Variants in PRRC2B observed in about 807,000 individuals in gnomAD.
The protein encoded by PRRC2B is proline rich coiled-coil 2B, also known as protein PRRC2B.
PRRC2B carries 68 observed loss-of-function variants against 242.3 expected under a neutral mutation model. That is an observed-to-expected ratio of 0.28 (90% CI 0.23 to 0.34). PRRC2B has a LOEUF of 0.34. Ranked by LOEUF, PRRC2B falls within the 10% of genes least tolerant of loss-of-function variation. The probability of loss-of-function intolerance (pLI) is 1.00; values close to 1 mark genes in which losing one functional copy is unlikely to be tolerated. For synonymous variants in PRRC2B, 1,228 were observed against 1,173.6 expected (o/e 1.05, Z -0.95); for missense variants, 2,835 against 2,954.8 (o/e 0.96, Z 0.94).
At position 131,432,623 on chromosome 9, in the gene PRRC2B, C is replaced by T. The variant is rs1388840201; in HGVS notation, c.122C>T (p.Pro41Leu). The T allele has an allele frequency of 6.2e-7, 1 of 1,613,764 alleles. No homozygotes were observed. The highest frequency in any genetic ancestry group is 1.1e-5 in the South Asian group (1 of 91,064). ...CATGTCCCTCTCCCTGCAGTTATTC[C>T]TAGACATGGCTTACAGAGTCTTGGG... ...SVDAIRSSVIPRHGLQSLGKV... is the reference protein window; with the variant it reads ...SVDAIRSSVILRHGLQSLGKV... The change falls in exon 3 of 32, where the codon CCT becomes CTT. Residue 41 changes from proline to leucine, a missense_variant. Pro to Leu is a moderately conservative substitution (Grantham distance 98). This residue lies in a region of PRRC2B where 626 missense variants were observed against 685.5 expected (regional missense o/e 0.91). Transcript: ENST00000683519.
intron 28 of PRRC2B, chr9:131,490,392 C>CTATA (rs1944154318): frequency 9.8e-6 from 5 of 512,760 alleles, no homozygotes; most frequent in South Asian, 7.1e-5. Context: ...AGTCAGCACT[C>CTATA]TATAAATGGC....
At chr9:131,396,331 T>C (rs535275403) in intron 1 of PRRC2B, among the ~76,000 whole-genome samples, 202 of 136,690 alleles carry the variant, frequency 1.5e-3, no homozygotes, top group South Asian at 7.2e-3. Flanking sequence ...TTTTCTTTTT[T>C]TTTTTTTTTT....
At chr9:131,478,210 G>A (rs1943758936) in intron 17 of PRRC2B, among the ~76,000 whole-genome samples, 1 of 80,800 alleles carries the variant, frequency 1.2e-5, no homozygotes, top group Non-Finnish European at 2.4e-5. Context: ...GCCCAGAGAC[G>A]TTCGGTGGTG....
rs1943897386 is a variant in PRRC2B at position 131,482,497 on chromosome 9, C to T, written c.5110C>T (p.Pro1704Ser). The T allele has an allele frequency of 6.2e-7, 1 of 1,611,604 alleles. No individual in the cohort carries two copies. Among genetic ancestry groups the T allele is most frequent in the South Asian group, 1.1e-5 (1 of 91,030 alleles). ...TCTGAAGCCAGAGGAGATGAGCGGG[C>T]CCGGCCTGGCGGAACCCAAGGCCGA... The part of the protein sequence containing the change: ...GTLKPEEMSG[P>S]GLAEPKADSH... The change falls in exon 21 of 32, where the codon CCC becomes TCC. Residue 1704 changes from proline (P) to serine (S), a missense_variant. Physicochemically the swap from Pro to Ser is moderately conservative, Grantham distance 74 (BLOSUM62 -1). Transcript: ENST00000683519. The surrounding 1 kb of genome is among the most constrained non-coding windows in gnomAD (Gnocchi z 5.2).
At chr9:131,472,112 A>C (rs532412766) in intron 14 of PRRC2B, among the ~76,000 whole-genome samples, 1 of 152,314 alleles carries the variant, frequency 6.6e-6, no homozygotes, top group African/African-American at 2.4e-5. Context: ...CTTTGATAGC[A>C]ATATAATAAT....
rs1943282442 is a variant in PRRC2B, at chr9:131,462,849, A to AAAAAG, written c.1405-1910_1405-1909insGAAAA. Among the ~76,000 whole-genome samples the AAAAAG allele has an allele frequency of 7.9e-5, 12 of 151,588 alleles. No homozygotes were observed. In the South Asian group the frequency reaches 2.1e-3, roughly 26 times the overall value. On this transcript the variant is annotated intron_variant, in intron 11 of 31. Coordinates refer to ENST00000683519, the MANE Select transcript of PRRC2B (RefSeq NM_013318.4). ...TGAGACTCCGTCTAAAAAAAAAAAA[A>AAAAAG]AAAAAAAGGTCTCAGTGCAAATTAC...
At chr9:131,478,302 CTT>C (rs1943761653) in intron 17 of PRRC2B, among the ~76,000 whole-genome samples, 170 bp from the exon 18 acceptor site, 1 of 152,112 alleles carries the variant, frequency 6.6e-6, no homozygotes, top group African/African-American at 2.4e-5. Flanking sequence ...CCTTGGGCCT[CTT>C]TGGTTTGGGG....
At chr9:131,384,014 G>A (rs1465311966) in intron 1 of PRRC2B, among the ~76,000 whole-genome samples, 1 of 151,644 alleles carries the variant, frequency 6.6e-6, no homozygotes, top group Non-Finnish European at 1.5e-5. Flanking sequence ...TGCCTCCTGG[G>A]TTCAGCTGAT....
rs530957578 is a variant in PRRC2B at position 131,406,417 on chromosome 9, A to G, written c.-52+12154A>G. ...TGTGTTCTTGGGGAGTTTCAGGTAA[A>G]TGTCTTGGAAGGAATGAAGGTAGGC... On this transcript the variant is annotated intron_variant, in intron 1 of 31. Transcript: ENST00000683519. Among the ~76,000 whole-genome samples the G allele has an allele frequency of 1.4e-4, 21 of 152,118 alleles. No homozygotes were observed. In the East Asian group the frequency reaches 4.1e-3, roughly 29 times the overall value.
At chr9:131,404,601 A>AC (rs1554757490) in intron 1 of PRRC2B, among the ~76,000 whole-genome samples, 1 of 150,920 alleles carries the variant, frequency 6.6e-6, no homozygotes, top group Non-Finnish European at 1.5e-5. Context: ...TGAAAAAAAA[A>AC]CCAGTGTGAG....
At chr9:131,457,678 C>A (rs1037633643) in intron 10 of PRRC2B, among the ~76,000 whole-genome samples, 1 of 152,030 alleles carries the variant, frequency 6.6e-6, no homozygotes, top group African/African-American at 2.4e-5. Flanking sequence ...TCCATGGGTC[C>A]ACCAGTTCAT....
At chr9:131,416,357 C>T (rs933773983) in intron 1 of PRRC2B, among the ~76,000 whole-genome samples, 9 of 152,130 alleles carry the variant, frequency 5.9e-5, no homozygotes, top group Admixed American at 1.3e-4. Context: ...TCTGCCGCCT[C>T]GGCCTCCCAA....
At chr9:131,444,955 G>A (rs1433623645) in intron 6 of PRRC2B, among the ~76,000 whole-genome samples, 2 of 152,172 alleles carry the variant, frequency 1.3e-5, no homozygotes, top group African/African-American at 4.8e-5. Context: ...TCTACTCAGG[G>A]ATTTTGAAGT....
chr9:131,401,764 G>T (rs1837232855), intron 1 of PRRC2B, among the ~76,000 whole-genome samples: 1 of 150,880 alleles, frequency 6.6e-6, no homozygotes, highest in Non-Finnish European at 1.5e-5. Flanking sequence ...GGGTTTAAGA[G>T]ATTCTCCTGC....
intron 28 of PRRC2B, among the ~76,000 whole-genome samples, chr9:131,490,224 C>T (rs1944149286): frequency 6.7e-6 from 1 of 150,172 alleles, no homozygotes; most frequent in Non-Finnish European, 1.5e-5. Context: ...CTCCCTGCTC[C>T]CCCTCACCTC....
intron 1 of PRRC2B, among the ~76,000 whole-genome samples, chr9:131,406,258 C>A (rs1837358414): frequency 6.6e-6 from 1 of 152,176 alleles, no homozygotes; most frequent in African/African-American, 2.4e-5. Context: ...CCTTAACTAG[C>A]AAGGGCCTCC....
At position 131,495,907 on chromosome 9, in the gene PRRC2B, T is replaced by A. The variant is rs1299580656; in HGVS notation, c.*33T>A. On this transcript the variant is annotated 3_prime_UTR_variant, in exon 32 of 32. Transcript: ENST00000683519. ...TGGCTGCCACCTCGCCTCTCCCTACTGAGGACGGTGCCGCCATGCGGCCTC... is the reference window on the plus strand; with the variant it reads ...TGGCTGCCACCTCGCCTCTCCCTACAGAGGACGGTGCCGCCATGCGGCCTC... 6.3e-7 allele frequency: 1 copy of A among 1,589,296 alleles called. No homozygotes were observed. Among genetic ancestry groups the A allele is most frequent in the East Asian group, 2.3e-5 (1 of 44,190 alleles).
At chr9:131,435,757 C>A (rs986105490) in intron 3 of PRRC2B, among the ~76,000 whole-genome samples, 1 of 152,058 alleles carries the variant, frequency 6.6e-6, no homozygotes, top group Admixed American at 6.5e-5. Context: ...AAAGGAAGAT[C>A]CGTTTCTATG....
At chr9:131,436,805 G>A in intron 4 of PRRC2B, 83 bp downstream of exon 4, 1 of 1,141,384 alleles carries the variant, frequency 8.8e-7, no homozygotes, top group Non-Finnish European at 1.3e-6. Flanking sequence ...GGAAGGAGTT[G>A]CTACTGAGAA....
Sources: gnomAD v4.1 joint callset for allele counts (sites outside exome capture counted in the v4.1 genomes callset) on GRCh38, gnomAD v4.1.1 for gene constraint, gnomAD v4.1.1 regional missense constraint, Gnocchi (gnomAD v3.1) non-coding constraint, MANE v1.5 for transcripts, NCBI Gene and HGNC (gene_info 2026-07-23, HGNC 2026-07-21) for gene names.